The following CHI3L2 variants were observed in gnomAD, a reference collection of about 807,000 sequenced individuals.
CHI3L2 encodes chitinase-3-like protein 2.
A neutral mutation model predicts 47.3 loss-of-function variants in CHI3L2; 47 were observed. The observed-to-expected ratio is 0.99, with a 90% CI of 0.79 to 1.27. The LOEUF (loss-of-function observed/expected upper bound fraction) is 1.27. Among genes scored for constraint, CHI3L2 ranks in the 50% most tolerant of loss-of-function variants. The probability of loss-of-function intolerance (pLI) is 0.00; values close to 1 mark genes in which losing one functional copy is unlikely to be tolerated. For missense variants in CHI3L2, 497 were observed against 462.1 expected (o/e 1.08, Z -0.69); for synonymous variants, 198 against 169.9 (o/e 1.17, Z -1.28).
intron 7 of CHI3L2, 128 bp downstream of exon 7, chr1:111,236,281 C>T (rs1659886777): frequency 1.0e-6 from 1 of 1,002,538 alleles, no homozygotes; most frequent in Admixed American, 2.8e-5. Context: ...AATTGGGTAG[C>T]CCCAGGAGCA....
At chr1:111,231,491 G>A in intron 4 of CHI3L2, 197 bp downstream of exon 4, 1 of 543,156 alleles carries the variant, frequency 1.8e-6, no homozygotes, top group South Asian at 2.7e-5. Flanking sequence ...AATTCTTCTG[G>A]AGCTTAATAC....
At chr1:111,233,793 G>C (rs1474049248) in intron 4 of CHI3L2, among the ~76,000 whole-genome samples, 12 of 152,022 alleles carry the variant, frequency 7.9e-5, no homozygotes, top group Admixed American at 3.3e-4. Context: ...GATGGTTGCC[G>C]TGTCTGTGTA....
At chr1:111,241,591 G>A (rs537468906) in intron 9 of CHI3L2, 148 bp downstream of exon 9, 29 of 606,432 alleles carry the variant, frequency 4.8e-5, no homozygotes, top group African/African-American at 4.6e-4. Context: ...AAGTCTAGTA[G>A]TGACTCTATG....
Position 111,235,658 on chromosome 1 carries a change from A to C in CHI3L2, c.500A>C (p.Gln167Pro), listed in dbSNP as rs765221213. The change falls in exon 6 of 11, where the codon CAG (glutamine) becomes CCG (proline). Residue 167 changes from glutamine to proline, a missense_variant. By Grantham distance (76) the Gln-to-Pro change is moderately conservative. Transcript: ENST00000369748. ...VLIHELAEAF[Q>P]KDFTKSTKER... ...TCCTAGGAGTTAGCAGAAGCCTTTC[A>C]GAAGGACTTCACAAAATCCACCAAG... 6.2e-7 allele frequency: 1 copy of C among 1,614,002 alleles called. No individual in the cohort carries two copies. Among genetic ancestry groups the C allele is most frequent in the South Asian group, 1.1e-5 (1 of 91,070 alleles).
rs756521690 is a variant in CHI3L2, at chr1:111,241,422, T to C, written c.1014T>C (p.Asp338=). 1 of 1,598,160 alleles carries C rather than the reference T, an allele frequency of 6.3e-7. No homozygotes were observed. The highest frequency in any genetic ancestry group is 8.6e-7 in the Non-Finnish European group (1 of 1,165,456). The change falls in exon 9 of 11, where the codon GAT becomes GAC. Residue 338 remains aspartate (D), a synonymous_variant. Coordinates refer to ENST00000369748, the MANE Select transcript of CHI3L2 (RefSeq NM_004000.3). The part of the protein sequence containing the change: ...VKGNQWVGYD[D]VKSMETKVQF... Reference sequence around the variant, plus strand: ...GGAACCAGTGGGTGGGCTATGATGATGTGAAGAGTATGGAGACCAAGGTAG... The same window carrying C: ...GGAACCAGTGGGTGGGCTATGATGACGTGAAGAGTATGGAGACCAAGGTAG...
Position 111,236,132 on chromosome 1 carries a change from G to T in CHI3L2, c.714G>T (p.Gly238=). The T allele has an allele frequency of 6.2e-7, 1 of 1,614,160 alleles. No individual in the cohort carries two copies. The highest frequency in any genetic ancestry group is 8.5e-7 in the Non-Finnish European group (1 of 1,180,026). The change falls in exon 7 of 11, where the codon GGG becomes GGT. Residue 238 remains glycine, a synonymous_variant. Coordinates refer to ENST00000369748, the MANE Select transcript of CHI3L2 (RefSeq NM_004000.3). ...SPLSKGWQDR[G]PSSYYNVEYA... ...TGAGCAAGGGGTGGCAGGACAGAGGGCCAAGCTCCTACTACAATGTGGTGA... is the reference window on the plus strand; with the variant it reads ...TGAGCAAGGGGTGGCAGGACAGAGGTCCAAGCTCCTACTACAATGTGGTGA...
At chr1:111,239,584 G>C (rs1341214912) in intron 8 of CHI3L2, among the ~76,000 whole-genome samples, 2 of 152,166 alleles carry the variant, frequency 1.3e-5, no homozygotes, top group Non-Finnish European at 2.9e-5. Context: ...GGGATAGGAG[G>C]AACCCACCCA....
In CHI3L2 at chr1:111,242,316, C is replaced by T. The variant is rs1252166419; in HGVS notation, c.1125C>T (p.Gly375=). The change falls in exon 10 of 11, where the codon GGC becomes GGT. Residue 375 remains glycine, a synonymous_variant. Transcript: ENST00000369748. ...DDFTGKSCNQ[G]PYPLVQAVKR... ...TCACTGGCAAATCCTGCAACCAGGG[C>T]CCTTACCCTCTTGTCCAAGCAGTCA... The T allele has an allele frequency of 1.2e-6, 2 of 1,613,720 alleles. No homozygotes were observed. Among genetic ancestry groups the T allele is most frequent in the Non-Finnish European group, 1.7e-6 (2 of 1,179,846 alleles).
intron 1 of CHI3L2, among the ~76,000 whole-genome samples, chr1:111,228,142 T>G (rs1361662223): frequency 6.6e-6 from 1 of 152,174 alleles, no homozygotes; most frequent in Non-Finnish European, 1.5e-5. Flanking sequence ...TTTTACAACT[T>G]TTGGAGAGCC....
intron 8 of CHI3L2, chr1:111,239,315 G>A (rs1414870973): frequency 5.7e-6 from 1 of 175,350 alleles, no homozygotes; most frequent in Non-Finnish European, 1.2e-5. Context: ...CATGAGATCA[G>A]TTTTGGACGT....
Position 111,238,882 on chromosome 1 carries a change from G to A in CHI3L2, c.868G>A (p.Gly290Arg), listed in dbSNP as rs137918113. The change falls in exon 8 of 11, where the codon GGA becomes AGA. Residue 290 changes from glycine (G) to arginine (R), a missense_variant. Transcript: ENST00000369748. ...TTVGAPASGPGAAGPITESSG... is the reference protein window; with the variant it reads ...TTVGAPASGPRAAGPITESSG... ...CGTGGGGGCCCCTGCCTCTGGCCCT[G>A]GAGCTGCTGGACCCATCACAGAGTC... 2.5e-4 allele frequency: 404 copies of A among 1,613,344 alleles called. 1 individual carries two copies. In the African/African-American group the frequency reaches 5.0e-3, roughly 20 times the overall value.
chr1:111,237,018 G>A (rs1249853304), intron 7 of CHI3L2, among the ~76,000 whole-genome samples: 1 of 152,226 alleles, frequency 6.6e-6, no homozygotes, highest in African/African-American at 2.4e-5. Flanking sequence ...GGTAGTGTCA[G>A]CTGGTGCATC....
rs143981389 is a variant in CHI3L2 at position 111,238,775 on chromosome 1, A to C, written c.761A>C (p.His254Pro). 3.7e-4 allele frequency: 591 copies of C among 1,614,044 alleles called. No individual in the cohort carries two copies. The African/African-American group carries it at 7.3e-3, about 20-fold the overall frequency. ...GAATATGCTGTGGGGTACTGGATAC[A>C]TAAGGGAATGCCATCAGAGAAGGTG... ...NVEYAVGYWI[H>P]KGMPSEKVVM... Residue 254 changes from histidine to proline, a missense_variant, in exon 8 of 11, where the codon CAT (histidine) becomes CCT (proline). By Grantham distance (77) the His-to-Pro change is moderately conservative. Coordinates refer to ENST00000369748, the MANE Select transcript of CHI3L2 (RefSeq NM_004000.3).
At chr1:111,228,889 T>C (rs566696156) in intron 1 of CHI3L2, among the ~76,000 whole-genome samples, 18 of 152,330 alleles carry the variant, frequency 1.2e-4, no homozygotes, top group African/African-American at 4.3e-4. Context: ...GGAGGATGTG[T>C]TAAGTATAGA....
chr1:111,235,612 T>G (rs1291902211), intron 5 of CHI3L2, 27 bp from the exon 6 acceptor site: 4 of 1,608,876 alleles, frequency 2.5e-6, no homozygotes, highest in Non-Finnish European at 3.4e-6. Flanking sequence ...AGGGGAATAT[T>G]GCACCTCGTT....
intron 5 of CHI3L2, among the ~76,000 whole-genome samples, 185 bp downstream of exon 5, chr1:111,235,242 A>G (rs1659844121): frequency 6.6e-6 from 1 of 152,220 alleles, no homozygotes; most frequent in Non-Finnish European, 1.5e-5. Context: ...CAGTAACAAC[A>G]TGAAACAGTG....
At chr1:111,235,552 C>A in intron 5 of CHI3L2, 87 bp from the exon 6 acceptor site, 2 of 1,449,902 alleles carry the variant, frequency 1.4e-6, no homozygotes, top group Non-Finnish European at 1.9e-6. Context: ...TAATGTGGTT[C>A]TAGAAACCTC....
intron 1 of CHI3L2, among the ~76,000 whole-genome samples, chr1:111,228,872 T>C (rs546458574): frequency 8.6e-4 from 131 of 152,320 alleles, no homozygotes; most frequent in Non-Finnish European, 1.2e-3. Context: ...GCTCTTTTTT[T>C]CCTTTAGGAG....
In CHI3L2 at chr1:111,235,697, T is replaced by C. The variant is rs1346891219; in HGVS notation, c.539T>C (p.Leu180Ser). The C allele has an allele frequency of 5.6e-6, 9 of 1,614,104 alleles. No individual in the cohort carries two copies. Reference protein sequence around the residue: ...FTKSTKERLLLTAGVSAGRQM... With the variant: ...FTKSTKERLLSTAGVSAGRQM... ...AAATCCACCAAGGAAAGGCTTCTCT[T>C]GACTGCGGGCGTATCTGCAGGGAGG... The change falls in exon 6 of 11, where the codon TTG becomes TCG. Residue 180 changes from leucine to serine, a missense_variant. Transcript: ENST00000369748.
Sources: allele counts gnomAD v4.1 joint callset (sites outside exome capture counted in the v4.1 genomes callset), GRCh38; gene constraint gnomAD v4.1.1; transcripts MANE v1.5; gene names NCBI Gene and HGNC (gene_info 2026-07-23, HGNC 2026-07-21).